Variants in HDAC9 observed in about 807,000 individuals in gnomAD.
The protein encoded by HDAC9 is MEF-2 interacting transcription repressor (MITR) protein.
HDAC9 carries 41 observed loss-of-function variants against 139.4 expected under a neutral mutation model. The ratio of observed to expected loss-of-function variants is 0.29; its 90% CI spans 0.23 to 0.38. The LOEUF (loss-of-function observed/expected upper bound fraction) is 0.38. Ranked by LOEUF, HDAC9 falls within the 10% of genes least tolerant of loss-of-function variation. The probability of loss-of-function intolerance (pLI) is 1.00; values close to 1 mark genes in which losing one functional copy is unlikely to be tolerated. For synonymous variants in HDAC9, 517 were observed against 476.2 expected, an observed-to-expected ratio of 1.09 and a Z score of -1.12; for missense variants, 1,147 against 1,297.0, an observed-to-expected ratio of 0.88 and a Z score of 1.78.
At chr7:18,097,517 G>C (rs1782589363) in intron 1 of HDAC9, among the ~76,000 whole-genome samples, 1 of 130,122 alleles carries the variant, frequency 7.7e-6, no homozygotes, top group Non-Finnish European at 1.7e-5. Context: ...TTGTCTTTCT[G>C]TTTTAGTCCT....
rs1198192198 is a variant in HDAC9 at position 18,737,379 on chromosome 7, A to G, written c.1909+9622A>G. On this transcript the variant is annotated intron_variant, in intron 13 of 25. Coordinates refer to ENST00000686413, the MANE Select transcript of HDAC9 (RefSeq NM_178425.4). ...TTCTCTTGTGGGCATTTAGTGCTAT[A>G]CATTTCCCTCTACACACTGCTTTAA... 3.3e-5 allele frequency among the ~76,000 whole-genome samples: 5 copies of G among 152,292 alleles called. No homozygotes were observed. The East Asian group carries it at 7.7e-4, about 24-fold the overall frequency.
chr7:18,455,824 C>A (rs1793295386), intron 1 of HDAC9, among the ~76,000 whole-genome samples: 1 of 152,144 alleles, frequency 6.6e-6, no homozygotes, highest in African/African-American at 2.4e-5. Flanking sequence ...TTACTGAAAG[C>A]TATAAAGCAT....
intron 21 of HDAC9, among the ~76,000 whole-genome samples, chr7:18,864,856 A>G (rs1250661735): frequency 1.3e-5 from 2 of 152,186 alleles, no homozygotes; most frequent in African/African-American, 2.4e-5. Flanking sequence ...CAGTGAGAAT[A>G]TATTTAATGC....
At chr7:18,605,274 T>C (rs1835141229) in intron 6 of HDAC9, among the ~76,000 whole-genome samples, 1 of 152,202 alleles carries the variant, frequency 6.6e-6, no homozygotes, top group Non-Finnish European at 1.5e-5. Context: ...AAATGTTCTA[T>C]AACCTTACAA....
intron 1 of HDAC9, among the ~76,000 whole-genome samples, chr7:18,154,916 T>C (rs1562683887): frequency 1.3e-5 from 2 of 152,224 alleles, no homozygotes; most frequent in African/African-American, 2.4e-5. Context: ...GGCAGTTTTC[T>C]GCAGGGAAGG....
chr7:18,809,412 G>A (rs974584636), intron 17 of HDAC9, among the ~76,000 whole-genome samples: 3 of 151,940 alleles, frequency 2.0e-5, no homozygotes, highest in Admixed American at 2.0e-4. Context: ...CTGTGTAATG[G>A]GAGAAAATAG....
chr7:18,293,794 G>A (rs538719431), intron 1 of HDAC9, among the ~76,000 whole-genome samples: 18 of 152,094 alleles, frequency 1.2e-4, no homozygotes, highest in African/African-American at 3.6e-4. Context: ...GGATTACTGC[G>A]TACTAGTGCC....
chr7:18,556,083 T>TA (rs1238104309), intron 2 of HDAC9, among the ~76,000 whole-genome samples: 1 of 152,014 alleles, frequency 6.6e-6, no homozygotes, highest in Admixed American at 6.5e-5. Context: ...AAAATTCTGT[T>TA]AAAAATGTTC....
chr7:18,769,678 A>G (rs73683404), intron 16 of HDAC9, among the ~76,000 whole-genome samples: 2,258 of 152,174 alleles, frequency 0.015, 60 homozygotes, highest in African/African-American at 0.051. Context: ...TTGCCCTCTC[A>G]GATTTTTGGT....
chr7:18,450,673 C>T (rs1313262127), intron 1 of HDAC9, among the ~76,000 whole-genome samples: 1 of 152,148 alleles, frequency 6.6e-6, no homozygotes, highest in African/African-American at 2.4e-5. Context: ...TTACAGAACT[C>T]AGAGGTCTGA....
intron 1 of HDAC9, among the ~76,000 whole-genome samples, chr7:18,382,775 T>G (rs901312372): frequency 2.0e-5 from 3 of 152,208 alleles, no homozygotes; most frequent in Non-Finnish European, 4.4e-5. Context: ...AGTAATTATT[T>G]GGAAACAGTT....
intron 1 of HDAC9, among the ~76,000 whole-genome samples, chr7:18,432,996 C>G (rs1455828167): frequency 2.0e-4 from 30 of 151,030 alleles, no homozygotes. Context: ...GGGTTCTGCA[C>G]AGGAGGATCA....
At chr7:18,181,292 T>A (rs1364550318) in intron 2 of HDAC9, among the ~76,000 whole-genome samples, 1 of 152,242 alleles carries the variant, frequency 6.6e-6, no homozygotes, top group African/African-American at 2.4e-5. Context: ...GCCTAATATG[T>A]GCCAGACACT....
chr7:18,612,134 G>T (rs535662837), intron 6 of HDAC9, among the ~76,000 whole-genome samples: 1 of 151,984 alleles, frequency 6.6e-6, no homozygotes. Flanking sequence ...TATTTCTTAA[G>T]GGAAATAGAT....
intron 1 of HDAC9, among the ~76,000 whole-genome samples, chr7:18,394,564 A>G (rs1786847662): frequency 6.6e-6 from 1 of 151,920 alleles, no homozygotes; most frequent in African/African-American, 2.4e-5. Flanking sequence ...GTCCAAGGGG[A>G]CTGGGCCTGG....
chr7:18,639,586 G>C (rs751472627), intron 8 of HDAC9, among the ~76,000 whole-genome samples: 2 of 151,816 alleles, frequency 1.3e-5, no homozygotes, highest in African/African-American at 4.8e-5. Flanking sequence ...TTTTAATTAC[G>C]TGGAGATTTT....
At chr7:18,885,127 A>G (rs1273475383) in intron 22 of HDAC9, among the ~76,000 whole-genome samples, 1 of 152,254 alleles carries the variant, frequency 6.6e-6, no homozygotes, top group African/African-American at 2.4e-5. Flanking sequence ...TGCTTAAGTT[A>G]TCAAGGACTG....
chr7:18,656,047 C>CT (rs537627975), intron 11 of HDAC9, among the ~76,000 whole-genome samples: 14,137 of 137,494 alleles, frequency 0.1, 1,013 homozygotes, highest in African/African-American at 0.21. Context: ...GTAGCAGTCT[C>CT]TTTTTTTTTT....
chr7:18,968,179 A>G (rs1015709778), intron 24 of HDAC9, among the ~76,000 whole-genome samples: 4 of 152,194 alleles, frequency 2.6e-5, no homozygotes, highest in Non-Finnish European at 5.9e-5. Flanking sequence ...AAAGAAAGAA[A>G]AAAGAAACTT....
Sources: allele counts gnomAD v4.1 joint callset (sites outside exome capture counted in the v4.1 genomes callset), GRCh38; gene constraint gnomAD v4.1.1; transcripts MANE v1.5; gene names NCBI Gene and HGNC (gene_info 2026-07-23, HGNC 2026-07-21).